MYH15: variants seen among roughly 807,000 people sequenced by gnomAD.
The protein encoded by MYH15 is myosin heavy chain 15.
MYH15 carries 227 observed loss-of-function variants against 240.5 expected under a neutral mutation model. That is an observed-to-expected ratio of 0.94 (90% CI 0.85 to 1.05). MYH15 has a LOEUF of 1.05. Among genes scored for constraint, MYH15 ranks in the 50% least tolerant of loss-of-function variants. MYH15 has a pLI of 0.00. For missense variants in MYH15, 2,217 were observed against 2,247.5 expected (o/e 0.99, Z 0.27); for synonymous variants, 785 against 796.7 (o/e 0.99, Z 0.25).
chr3:108,437,405 G>GAAA, intron 25 of MYH15, 149 bp downstream of exon 25: 4 of 952,432 alleles, frequency 4.2e-6, no homozygotes, highest in African/African-American at 1.7e-5. Flanking sequence ...GTCCAGTAAA[G>GAAA]AAAAAAAAAA....
rs115619814 is a variant in MYH15, at chr3:108,460,312, T to C, written c.1920A>G (p.Ala640=). ...AATTAAAAATTACTTTATGCAGAGA[T>C]GCAACCGTTTGGAATGAAGCTCCTT... ...RKKGASFQTV[A]SLHKENLNKL... Residue 640 remains alanine (A), a synonymous_variant, in exon 17 of 41, where the codon GCA becomes GCG. Transcript: ENST00000693548. 1 of 1,601,152 alleles carries C rather than the reference T, an allele frequency of 6.2e-7. No individual in the cohort carries two copies. The highest frequency in any genetic ancestry group is 1.7e-5 in the Admixed American group (1 of 58,854).
intron 15 of MYH15, among the ~76,000 whole-genome samples, chr3:108,464,348 G>T (rs2083095908): frequency 6.6e-6 from 1 of 152,130 alleles, no homozygotes; most frequent in African/African-American, 2.4e-5. Context: ...AAGGACAAAT[G>T]GGGGAAAACC....
chr3:108,508,669 T>C (rs1157346044), intron 1 of MYH15, among the ~76,000 whole-genome samples: 3 of 152,370 alleles, frequency 2.0e-5, no homozygotes, highest in South Asian at 2.1e-4. Flanking sequence ...ACCACTGTTA[T>C]GTATTGAAGC....
At chr3:108,457,232 C>A (rs2083030011) in intron 18 of MYH15, among the ~76,000 whole-genome samples, 1 of 152,088 alleles carries the variant, frequency 6.6e-6, no homozygotes. Flanking sequence ...CAACCAAAAC[C>A]AGCCAGAAAG....
At chr3:108,450,622 TATA>T (rs2082964127) in intron 21 of MYH15, among the ~76,000 whole-genome samples, 2 of 152,190 alleles carry the variant, frequency 1.3e-5, no homozygotes, top group Non-Finnish European at 2.9e-5. Context: ...GAGGATCTAA[TATA>T]CAGCATGGTA....
intron 31 of MYH15, among the ~76,000 whole-genome samples, chr3:108,410,156 T>G (rs1050040709): frequency 1.4e-4 from 22 of 152,206 alleles, no homozygotes; most frequent in Admixed American, 2.6e-4. Flanking sequence ...TTCTGAAAAT[T>G]TAACAATAAA....
chr3:108,481,795 G>C (rs2083269995), intron 11 of MYH15, among the ~76,000 whole-genome samples: 1 of 152,178 alleles, frequency 6.6e-6, no homozygotes, highest in Non-Finnish European at 1.5e-5. Flanking sequence ...GGTTTTTGCT[G>C]TTAAAAGTAA....
intron 1 of MYH15, among the ~76,000 whole-genome samples, chr3:108,510,173 G>A (rs1211679105): frequency 6.6e-6 from 1 of 152,110 alleles, no homozygotes; most frequent in Non-Finnish European, 1.5e-5. Context: ...TTACAACAGG[G>A]GCTCCTTGAA....
chr3:108,543,946 G>T, the MYH15 span: 2 of 114,724 alleles, frequency 1.7e-5, no homozygotes, highest in African/African-American at 2.9e-5. Context: ...AAATTCCCAA[G>T]CTAGTTCACA....
intron 30 of MYH15, among the ~76,000 whole-genome samples, chr3:108,411,215 T>G (rs2082590795): frequency 6.6e-6 from 1 of 152,182 alleles, no homozygotes; most frequent in African/African-American, 2.4e-5. Context: ...TTGCTTATCC[T>G]AAAGCTCTAA....
At chr3:108,504,648 C>T (rs1351720315) in intron 2 of MYH15, among the ~76,000 whole-genome samples, 1 of 152,132 alleles carries the variant, frequency 6.6e-6, no homozygotes, top group African/African-American at 2.4e-5. Flanking sequence ...GGCAGGGAAT[C>T]ATCTGTAAAA....
In MYH15 at chr3:108,391,908, A is replaced by G; in HGVS notation, c.5282T>C (p.Leu1761Pro). ...GGCAATGGTGTCTTGCTTCTTCTTC[A>G]GTTCTTCTGACAAGTTTGCTGCCTA... The part of the protein sequence containing the change: ...AIEAANLSEE[L>P]KKKQDTIAHL... Residue 1761 changes from leucine to proline, a missense_variant, in exon 37 of 41, where the codon CTG becomes CCG. Coordinates refer to ENST00000693548, the MANE Select transcript of MYH15 (RefSeq NM_014981.3). 7 of 1,613,970 alleles carry G rather than the reference A, an allele frequency of 4.3e-6. No individual in the cohort carries two copies. Among genetic ancestry groups the G allele is most frequent in the African/African-American group, 1.3e-5 (1 of 75,016 alleles).
upstream of MYH15, among the ~76,000 whole-genome samples, chr3:108,513,904 T>C (rs1472256824): frequency 1.3e-5 from 2 of 152,222 alleles, no homozygotes; most frequent in African/African-American, 4.8e-5. Context: ...AAATAATGCA[T>C]CCTGTTCTGT....
chr3:108,447,894 T>C (rs1357233510), intron 21 of MYH15, among the ~76,000 whole-genome samples: 1 of 152,120 alleles, frequency 6.6e-6, no homozygotes, highest in Non-Finnish European at 1.5e-5. Context: ...TTTAAAAAAC[T>C]ATAGCTATAA....
chr3:108,507,949 T>G (rs1461214269), intron 1 of MYH15, among the ~76,000 whole-genome samples: 1 of 152,222 alleles, frequency 6.6e-6, no homozygotes, highest in Non-Finnish European at 1.5e-5. Context: ...ATGTTATCAC[T>G]TGAAAGAAAC....
At chr3:108,439,274 T>A (rs947583714) in intron 24 of MYH15, among the ~76,000 whole-genome samples, 1 of 152,230 alleles carries the variant, frequency 6.6e-6, no homozygotes, top group African/African-American at 2.4e-5. Flanking sequence ...TTTCCAATAG[T>A]GTAGGTAGAA....
At chr3:108,536,418 G>A in the MYH15 span, among the ~76,000 whole-genome samples, 1 of 152,194 alleles carries the variant, frequency 6.6e-6, no homozygotes, top group South Asian at 2.1e-4. Flanking sequence ...ACAGCTCATT[G>A]GCCAAAACCA....
rs1406883954 is a variant in MYH15, at chr3:108,444,642, C to A, written c.2653G>T (p.Ala885Ser). Reference sequence around the variant, plus strand: ...GAACAAATGGTGGGGCTACTCACAGCCTGAAGCTGAAGAATCAGGTCATTT... The same window carrying A: ...GAACAAATGGTGGGGCTACTCACAGACTGAAGCTGAAGAATCAGGTCATTT... ...EKNDLILQLQ[A>S]EQETLANVEE... Residue 885 changes from alanine (A) to serine (S), a missense_variant and splice_region_variant, in exon 22 of 41, where the codon GCT becomes TCT. By Grantham distance (99) the Ala-to-Ser change is moderately conservative (BLOSUM62 1). Coordinates refer to ENST00000693548, the MANE Select transcript of MYH15 (RefSeq NM_014981.3). The A allele has an allele frequency of 6.2e-7, 1 of 1,613,890 alleles. No homozygotes were observed. Among genetic ancestry groups the A allele is most frequent in the South Asian group, 1.1e-5 (1 of 91,038 alleles).
chr3:108,421,872 A>G (rs569582510), intron 27 of MYH15, among the ~76,000 whole-genome samples: 1 of 152,344 alleles, frequency 6.6e-6, no homozygotes, highest in African/African-American at 2.4e-5. Context: ...TAACACTTCA[A>G]TCCCCAAACC....
Sources: gnomAD v4.1 joint callset for allele counts (sites outside exome capture counted in the v4.1 genomes callset) on GRCh38, gnomAD v4.1.1 for gene constraint, MANE v1.5 for transcripts, NCBI Gene and HGNC (gene_info 2026-07-23, HGNC 2026-07-21) for gene names.